Variants in APBB2 observed in about 807,000 individuals in gnomAD.
APBB2 encodes Fe65-like 1.
APBB2 carries 38 observed loss-of-function variants against 82.5 expected under a neutral mutation model. The ratio of observed to expected loss-of-function variants is 0.46; its 90% CI spans 0.36 to 0.60. The LOEUF (loss-of-function observed/expected upper bound fraction) is 0.60. Among genes scored for constraint, APBB2 ranks in the 20% least tolerant of loss-of-function variants. APBB2 has a pLI of 0.00. For missense variants in APBB2, 772 were observed against 972.3 expected, an observed-to-expected ratio of 0.79 and a Z score of 2.74; for synonymous variants, 341 against 368.2, an observed-to-expected ratio of 0.93 and a Z score of 0.85.
intron 7 of APBB2, among the ~76,000 whole-genome samples, chr4:40,935,852 C>G (rs1326277684): frequency 6.6e-6 from 1 of 152,024 alleles, no homozygotes; most frequent in Admixed American, 6.6e-5. Flanking sequence ...AGGCATGAAG[C>G]CTGGCTTTGT....
chr4:40,908,250 T>A (rs1777600662), intron 10 of APBB2, among the ~76,000 whole-genome samples: 1 of 152,042 alleles, frequency 6.6e-6, no homozygotes, highest in Non-Finnish European at 1.5e-5. Context: ...GACCTTGGGC[T>A]CCCAGCCTCC....
intron 4 of APBB2, among the ~76,000 whole-genome samples, chr4:41,038,397 C>A (rs996135455): frequency 1.3e-5 from 2 of 152,074 alleles, no homozygotes; most frequent in Non-Finnish European, 2.9e-5. Context: ...TGACCAATTC[C>A]TCCTTCTCAA....
At chr4:41,017,198 G>A (rs1463298673) in intron 5 of APBB2, among the ~76,000 whole-genome samples, 1 of 152,122 alleles carries the variant, frequency 6.6e-6, no homozygotes, top group Non-Finnish European at 1.5e-5. Flanking sequence ...GGCCCAGCCT[G>A]TATATGTTGT....
At chr4:40,822,076 A>C in intron 16 of APBB2, 26 bp from the exon 17 acceptor site, 1 of 1,612,058 alleles carries the variant, frequency 6.2e-7, no homozygotes, top group East Asian at 2.2e-5. Context: ...TGCGGCATCC[A>C]ATCAGGAGAT....
chr4:40,984,900 A>T (rs543607464), intron 6 of APBB2, among the ~76,000 whole-genome samples: 1 of 151,978 alleles, frequency 6.6e-6, no homozygotes, highest in Non-Finnish European at 1.5e-5. Flanking sequence ...TTTACATAAC[A>T]GTTTTGATCT....
chr4:40,882,974 C>T (rs972694565), intron 12 of APBB2, among the ~76,000 whole-genome samples: 1 of 152,112 alleles, frequency 6.6e-6, no homozygotes, highest in African/African-American at 2.4e-5. Context: ...CTGAGGTACG[C>T]AAGTTCCAGG....
At chr4:40,931,133 T>A (rs913291029) in intron 10 of APBB2, among the ~76,000 whole-genome samples, 1 of 152,024 alleles carries the variant, frequency 6.6e-6, no homozygotes, top group African/African-American at 2.4e-5. Flanking sequence ...ATGTAAAGGG[T>A]CATGTAAGGT....
Position 41,176,545 on chromosome 4 carries a change from A to C in APBB2, c.-416-33403T>G, listed in dbSNP as rs149951248. ...CAGAATCAAAAAGTAATATATAAAA[A>C]GTCCCTTATGAGACACTGCAAAACA... is the stretch of plus-strand genomic sequence containing the variant. On this transcript the variant is annotated intron_variant, in intron 1 of 17. Coordinates refer to ENST00000508593, the MANE Select transcript of APBB2 (RefSeq NM_004307.2). Among the ~76,000 whole-genome samples, 1,213 of 152,234 alleles carry C rather than the reference A, an allele frequency of 8.0e-3. 3 individuals are homozygous for C. The highest frequency in any genetic ancestry group is 0.037 in the Middle Eastern group (11 of 294).
intron 6 of APBB2, among the ~76,000 whole-genome samples, chr4:40,989,714 G>A (rs775921748): frequency 2.6e-5 from 4 of 152,260 alleles, no homozygotes; most frequent in South Asian, 2.1e-4. Flanking sequence ...TCCAGGTCTC[G>A]CTGTCCCAAG....
chr4:40,909,148 G>C (rs1578360953), intron 10 of APBB2, among the ~76,000 whole-genome samples: 1 of 152,198 alleles, frequency 6.6e-6, no homozygotes, highest in Non-Finnish European at 1.5e-5. Context: ...AGAAAGGCCG[G>C]TGCACCATGC....
In APBB2 at chr4:41,098,808, A is replaced by G. The variant is rs550093746; in HGVS notation, c.-149+1831T>C. 2.0e-5 allele frequency among the ~76,000 whole-genome samples: 3 copies of G among 152,148 alleles called. No individual in the cohort carries two copies. In the East Asian group the frequency reaches 5.8e-4, roughly 29 times the overall value. ...AAGTTACATTTGCAATCTAAACACC[A>G]CTGCAAATATCTAGACCCTGAAGTC... On this transcript the variant is annotated intron_variant, in intron 3 of 17. Transcript: ENST00000508593.
intron 10 of APBB2, among the ~76,000 whole-genome samples, chr4:40,921,986 C>T (rs948168306): frequency 6.6e-6 from 1 of 152,172 alleles, no homozygotes; most frequent in Non-Finnish European, 1.5e-5. Context: ...GACACATATC[C>T]TATTGGTGCC....
chr4:41,086,896 C>G (rs1483892896), intron 3 of APBB2, among the ~76,000 whole-genome samples: 1 of 148,710 alleles, frequency 6.7e-6, no homozygotes. Flanking sequence ...GACATAATCT[C>G]ATGGGTAGAA....
At chr4:40,930,446 TGTGCGCGCGC>T (rs1465311049) in intron 10 of APBB2, among the ~76,000 whole-genome samples, 874 of 81,370 alleles carry the variant, frequency 0.011, 9 homozygotes, top group African/African-American at 0.05. Flanking sequence ...TGTGTGTGTG[TGTGCGCGCGC>T]GCGCGCGCGC....
At chr4:41,096,792 T>C (rs2153963528) in intron 3 of APBB2, among the ~76,000 whole-genome samples, 1 of 152,358 alleles carries the variant, frequency 6.6e-6, no homozygotes, top group Non-Finnish European at 1.5e-5. Context: ...TGTCTAAGAA[T>C]ATAACGTCCA....
chr4:41,107,554 A>G (rs974047713), intron 2 of APBB2, among the ~76,000 whole-genome samples: 3 of 152,176 alleles, frequency 2.0e-5, no homozygotes, highest in Non-Finnish European at 4.4e-5. Context: ...AGGACAGAAC[A>G]CTCACACACA....
chr4:40,923,612 C>T (rs945121037), intron 10 of APBB2, among the ~76,000 whole-genome samples: 4 of 152,340 alleles, frequency 2.6e-5, no homozygotes, highest in Admixed American at 6.5e-5. Flanking sequence ...ATCAGGATGG[C>T]GGCTGCTGCC....
chr4:41,105,173 A>C (rs2153973983), intron 2 of APBB2, among the ~76,000 whole-genome samples: 1 of 152,338 alleles, frequency 6.6e-6, no homozygotes, highest in East Asian at 1.9e-4. Context: ...TACATAGCTG[A>C]ATAATAACCA....
chr4:41,051,932 T>C (rs953342987), intron 4 of APBB2, among the ~76,000 whole-genome samples: 1 of 152,208 alleles, frequency 6.6e-6, no homozygotes, highest in Non-Finnish European at 1.5e-5. Flanking sequence ...TGAGAATATC[T>C]ATACCAAATG....
Sources: gnomAD v4.1 joint callset for allele counts (sites outside exome capture counted in the v4.1 genomes callset) on GRCh38, gnomAD v4.1.1 for gene constraint, MANE v1.5 for transcripts, NCBI Gene and HGNC (gene_info 2026-07-23, HGNC 2026-07-21) for gene names.